The following KDELR2 variants were observed in gnomAD, a reference collection of about 807,000 sequenced individuals.
The protein encoded by KDELR2 is ER lumen protein-retaining receptor 2.
Under a neutral mutation model 23.9 loss-of-function variants are expected in KDELR2, and 15 were observed. That is an observed-to-expected ratio of 0.63 (90% CI 0.42 to 0.97). The LOEUF is 0.97. Ranked by LOEUF, KDELR2 falls within the 50% of genes least tolerant of loss-of-function variation. The pLI is 0.00. For missense variants in KDELR2, 272 were observed against 254.6 expected, an observed-to-expected ratio of 1.07 and a Z score of -0.46; for synonymous variants, 119 against 106.2, an observed-to-expected ratio of 1.12 and a Z score of -0.74.
chr7:6,478,981 G>T (rs531671781), intron 1 of KDELR2, among the ~76,000 whole-genome samples: 1 of 151,890 alleles, frequency 6.6e-6, no homozygotes, highest in African/African-American at 2.4e-5. Context: ...AGTAGAGATG[G>T]GTTTCACCAT....
intron 2 of KDELR2, among the ~76,000 whole-genome samples, chr7:6,471,476 G>A (rs983947673): frequency 5.9e-5 from 9 of 152,156 alleles, no homozygotes; most frequent in Admixed American, 1.3e-4. Flanking sequence ...CACAGCACCC[G>A]GCCTGTTTTG....
intron 1 of KDELR2, 138 bp from the exon 2 acceptor site, chr7:6,474,422 A>G: frequency 1.6e-6 from 1 of 613,780 alleles, no homozygotes; most frequent in South Asian, 2.0e-5. Flanking sequence ...CTCTGAATGA[A>G]CAAGAGCAGT....
chr7:6,478,029 C>T (rs1169018015), intron 1 of KDELR2, among the ~76,000 whole-genome samples: 1 of 152,164 alleles, frequency 6.6e-6, no homozygotes, highest in Non-Finnish European at 1.5e-5. Flanking sequence ...TGTCAAATTT[C>T]TCCTAGAAAG....
In KDELR2 at chr7:6,469,350, G is replaced by C. The variant is rs531383866; in HGVS notation, c.351+246C>G. 5.3e-5 allele frequency among the ~76,000 whole-genome samples: 8 copies of C among 152,148 alleles called. No homozygotes were observed. In the South Asian group the frequency reaches 1.7e-3, roughly 32 times the overall value. On this transcript the variant is annotated intron_variant, in intron 3 of 4. Transcript: ENST00000258739. ...GGCTCACTGCAGCCTCCGCCTCCTGGGTTCAAGTGATTCTCCTGCCTCAGC... is the reference window on the plus strand; with the variant it reads ...GGCTCACTGCAGCCTCCGCCTCCTGCGTTCAAGTGATTCTCCTGCCTCAGC...
intron 1 of KDELR2, among the ~76,000 whole-genome samples, chr7:6,480,796 T>C (rs1428268163): frequency 2.0e-5 from 3 of 152,238 alleles, no homozygotes; most frequent in Non-Finnish European, 4.4e-5. Context: ...ACAACTTTTA[T>C]AATTTAGTAT....
intron 3 of KDELR2, among the ~76,000 whole-genome samples, 168 bp from the exon 4 acceptor site, chr7:6,466,491 C>T (rs1032735218): frequency 6.6e-6 from 1 of 152,108 alleles, no homozygotes; most frequent in Non-Finnish European, 1.5e-5. Context: ...GTGGTCCCAG[C>T]CTTTTTGACA....
At chr7:6,481,985 A>G (rs1161700558) in intron 1 of KDELR2, among the ~76,000 whole-genome samples, 1 of 8,296 alleles carries the variant, frequency 1.2e-4, no homozygotes, top group Non-Finnish European at 5.4e-4. Flanking sequence ...TTATTTATTT[A>G]TTTATTTATT....
intron 2 of KDELR2, chr7:6,469,997 C>T (rs758223931): frequency 2.9e-5 from 10 of 345,594 alleles, no homozygotes; most frequent in Middle Eastern, 8.0e-4. Context: ...GCCATGCTGC[C>T]GCTTCGCAGT....
chr7:6,475,712 G>A (rs537784724), intron 1 of KDELR2, among the ~76,000 whole-genome samples: 4 of 152,228 alleles, frequency 2.6e-5, no homozygotes, highest in South Asian at 4.2e-4. Context: ...GACAAAGGAC[G>A]CAAACTATGG....
chr7:6,468,533 T>G (rs776427032), intron 3 of KDELR2, among the ~76,000 whole-genome samples: 1 of 152,044 alleles, frequency 6.6e-6, no homozygotes, highest in East Asian at 1.9e-4. Context: ...TGAGACAGCG[T>G]CTCGCTCTGT....
In KDELR2 at chr7:6,466,057, C is replaced by T. The variant is rs375982460; in HGVS notation, c.604+14G>A. ...ACGTCACTCTAGAAACAACGCAGGT[C>T]GCACCCAACATACCTTTTGTAATGT... On this transcript the variant is annotated intron_variant, in intron 4 of 4. Coordinates refer to ENST00000258739, the MANE Select transcript of KDELR2 (RefSeq NM_006854.4). 7 of 1,612,044 alleles carry T rather than the reference C, an allele frequency of 4.3e-6. No individual in the cohort carries two copies. Among genetic ancestry groups the T allele is most frequent in the South Asian group, 3.3e-5 (3 of 90,830 alleles).
At chr7:6,482,540 T>C in intron 1 of KDELR2, 1 of 470,200 alleles carries the variant, frequency 2.1e-6, no homozygotes, top group Non-Finnish European at 4.4e-6. Flanking sequence ...GTCTTTTTGG[T>C]TTTGCTTACT....
chr7:6,468,511 CTTCT>C (rs1785551220), intron 3 of KDELR2, among the ~76,000 whole-genome samples: 1 of 149,888 alleles, frequency 6.7e-6, no homozygotes, highest in South Asian at 2.1e-4. Flanking sequence ...GATTTTCTTT[CTTCT>C]TTTTTTTTGA....
chr7:6,463,432 G>A (rs1785429277), intron 4 of KDELR2, among the ~76,000 whole-genome samples: 1 of 151,978 alleles, frequency 6.6e-6, no homozygotes, highest in Admixed American at 6.6e-5. Flanking sequence ...ATGAAATTCT[G>A]GGTACTATAA....
At chr7:6,468,503 TTTTC>T (rs1339852106) in intron 3 of KDELR2, among the ~76,000 whole-genome samples, 7 of 150,046 alleles carry the variant, frequency 4.7e-5, no homozygotes, top group African/African-American at 1.7e-4. Flanking sequence ...TAATTTTTGA[TTTTC>T]TTTCTTCTTT....
At position 6,469,678 on chromosome 7, in the gene KDELR2, T is replaced by A. The variant is rs1173808569; in HGVS notation, c.269A>T (p.His90Leu). ...CAGAAACTCCACTCGGAAGGTATCATGATTTCCATCGTAGGTTGCCTTAAA... is the reference window on the plus strand; with the variant it reads ...CAGAAACTCCACTCGGAAGGTATCAAGATTTCCATCGTAGGTTGCCTTAAA... Reference protein sequence around the residue: ...LKFKATYDGNHDTFRVEFLVV... With the variant: ...LKFKATYDGNLDTFRVEFLVV... The change falls in exon 3 of 5, where the codon CAT becomes CTT. Residue 90 changes from histidine to leucine, a missense_variant. By Grantham distance (99) the His-to-Leu change is moderately conservative (BLOSUM62 -3). Coordinates refer to ENST00000258739, the MANE Select transcript of KDELR2 (RefSeq NM_006854.4). The A allele has an allele frequency of 6.2e-7, 1 of 1,614,046 alleles. No individual in the cohort carries two copies. Among genetic ancestry groups the A allele is most frequent in the Non-Finnish European group, 8.5e-7 (1 of 1,179,998 alleles).
At chr7:6,464,734 CTTTTTTTTTT>C (rs201529691) in intron 4 of KDELR2, among the ~76,000 whole-genome samples, 5 of 111,232 alleles carry the variant, frequency 4.5e-5, no homozygotes, top group Admixed American at 9.9e-5. Flanking sequence ...TCTTTTTTTT[CTTTTTTTTTT>C]TTTTTTTTGA....
rs1012242376 is a variant in KDELR2 at position 6,462,800 on chromosome 7, G to T, written c.*341C>A. On this transcript the variant is annotated 3_prime_UTR_variant, in exon 5 of 5. Transcript: ENST00000258739. Reference sequence around the variant, plus strand: ...GACACAAAGACTTAAGAGTTTCAAAGAATTTTTTAAAATAAAAAAAAAATT... The same window carrying T: ...GACACAAAGACTTAAGAGTTTCAAATAATTTTTTAAAATAAAAAAAAAATT... The T allele has an allele frequency of 3.6e-5, 20 of 548,374 alleles. No homozygotes were observed. Among genetic ancestry groups the T allele is most frequent in the African/African-American group, 7.7e-5 (4 of 51,880 alleles). The allele number at this position is 548,374 out of a possible 1,614,324, so 34.0% of individuals were successfully genotyped here.
chr7:6,481,264 G>C (rs1785883890), intron 1 of KDELR2, among the ~76,000 whole-genome samples: 1 of 150,900 alleles, frequency 6.6e-6, no homozygotes, highest in Admixed American at 6.6e-5. Flanking sequence ...AGCTAATCAG[G>C]AGGCTGAGGA....
Sources: gnomAD v4.1 joint callset for allele counts (sites outside exome capture counted in the v4.1 genomes callset) on GRCh38, gnomAD v4.1.1 for gene constraint, MANE v1.5 for transcripts, NCBI Gene and HGNC (gene_info 2026-07-23, HGNC 2026-07-21) for gene names.